Variants in SLC41A2 observed in about 807,000 individuals in gnomAD.
SLC41A2 encodes solute carrier family 41 member 2.
A neutral mutation model predicts 58.3 loss-of-function variants in SLC41A2; 32 were observed. That is an observed-to-expected ratio of 0.55 (90% CI 0.41 to 0.74). The LOEUF is 0.74. Ranked by LOEUF, SLC41A2 falls within the 30% of genes least tolerant of loss-of-function variation. The pLI is 0.00. For synonymous variants in SLC41A2, 190 were observed against 235.0 expected (o/e 0.81, Z 1.75); for missense variants, 514 against 680.6 (o/e 0.76, Z 2.72).
At chr12:104,818,660 C>T (rs555273473) in intron 10 of SLC41A2, among the ~76,000 whole-genome samples, 1 of 152,192 alleles carries the variant, frequency 6.6e-6, no homozygotes, top group South Asian at 2.1e-4. Flanking sequence ...GGGCAGATCA[C>T]GAGGTCAGGA....
At chr12:104,825,016 C>T (rs1180931728) in intron 10 of SLC41A2, among the ~76,000 whole-genome samples, 1 of 123,430 alleles carries the variant, frequency 8.1e-6, no homozygotes, top group East Asian at 2.0e-4. Flanking sequence ...CCAGTCAAAA[C>T]CCCCAGACTT....
At chr12:104,938,784 A>G (rs1443953616) in intron 1 of SLC41A2, among the ~76,000 whole-genome samples, 1 of 152,098 alleles carries the variant, frequency 6.6e-6, no homozygotes, top group Non-Finnish European at 1.5e-5. Context: ...AAGCTAACTT[A>G]AAAAGTATAT....
chr12:104,887,878 A>T (rs972026890), intron 5 of SLC41A2, among the ~76,000 whole-genome samples: 31 of 152,034 alleles, frequency 2.0e-4, no homozygotes, highest in African/African-American at 7.2e-4. Context: ...TAAAGTGCTT[A>T]TAAAGGTCAA....
intron 10 of SLC41A2, among the ~76,000 whole-genome samples, chr12:104,819,578 A>G (rs977556633): frequency 6.6e-6 from 1 of 152,242 alleles, no homozygotes; most frequent in African/African-American, 2.4e-5. Context: ...TAAATGTTAG[A>G]TAATCTTAAG....
intron 3 of SLC41A2, among the ~76,000 whole-genome samples, chr12:104,896,914 G>T (rs913319824): frequency 3.9e-5 from 6 of 152,110 alleles, no homozygotes; most frequent in Non-Finnish European, 7.4e-5. Context: ...TTTTTGGAAG[G>T]TGATCAGACA....
chr12:104,837,147 A>G (rs1489399921), intron 10 of SLC41A2, among the ~76,000 whole-genome samples: 1 of 152,142 alleles, frequency 6.6e-6, no homozygotes, highest in Non-Finnish European at 1.5e-5. Context: ...ACTTAGCAAA[A>G]GTCATAAAGT....
At chr12:104,903,064 G>A (rs2045634128) in intron 3 of SLC41A2, among the ~76,000 whole-genome samples, 1 of 152,170 alleles carries the variant, frequency 6.6e-6, no homozygotes, top group Non-Finnish European at 1.5e-5. Context: ...TTTAGTGATG[G>A]CTCCTAGTGT....
intron 3 of SLC41A2, among the ~76,000 whole-genome samples, chr12:104,901,239 T>G (rs1464540932): frequency 6.6e-6 from 1 of 152,132 alleles, no homozygotes; most frequent in African/African-American, 2.4e-5. Context: ...AACATAATTT[T>G]TGACTCCTTT....
intron 4 of SLC41A2, among the ~76,000 whole-genome samples, chr12:104,893,403 G>A (rs999218943): frequency 6.6e-6 from 1 of 152,184 alleles, no homozygotes; most frequent in Admixed American, 6.5e-5. Context: ...TACACTGTTG[G>A]TGGGAATGTA....
chr12:104,842,159 T>C (rs898556270), intron 10 of SLC41A2, among the ~76,000 whole-genome samples: 3 of 152,142 alleles, frequency 2.0e-5, no homozygotes, highest in African/African-American at 4.8e-5. Context: ...TTCATTCTGT[T>C]CATCTTTGGA....
rs2040838484 is a variant in SLC41A2, at chr12:104,804,928, T to C, written c.*224A>G. 1 of 354,836 alleles carries C rather than the reference T, an allele frequency of 2.8e-6. No homozygotes were observed. The highest frequency in any genetic ancestry group is 4.7e-5 in the East Asian group (1 of 21,412). The allele number at this position is 354,836 out of a possible 1,614,324, so 22.0% of individuals were successfully genotyped here. ...GAGCTGGAACTTATATCTATGTCTA[T>C]GTCAAATTATCATTTATTCTATGAA... On this transcript the variant is annotated 3_prime_UTR_variant, in exon 11 of 11. Transcript: ENST00000258538.
In SLC41A2 at chr12:104,941,509, T is replaced by A. The variant is rs552932248; in HGVS notation, c.-167-12815A>T. Among the ~76,000 whole-genome samples the A allele has an allele frequency of 7.9e-5, 12 of 152,332 alleles. No individual in the cohort carries two copies. In the South Asian group the frequency reaches 1.4e-3, roughly 18 times the overall value. Reference sequence around the variant, plus strand: ...TCAACTCTCGCCTCCCAAAAAAAGTTAATATAAATTTTTTAAAGGAATTTT... The same window carrying A: ...TCAACTCTCGCCTCCCAAAAAAAGTAAATATAAATTTTTTAAAGGAATTTT... On this transcript the variant is annotated intron_variant, in intron 1 of 10. Coordinates refer to ENST00000258538, the MANE Select transcript of SLC41A2 (RefSeq NM_001352171.3).
intron 5 of SLC41A2, among the ~76,000 whole-genome samples, chr12:104,888,253 G>A (rs972379331): frequency 2.0e-5 from 3 of 151,910 alleles, no homozygotes; most frequent in Non-Finnish European, 4.4e-5. Context: ...TTTGGAAATC[G>A]AGTTATAATT....
intron 10 of SLC41A2, among the ~76,000 whole-genome samples, chr12:104,833,199 G>A (rs2136287056): frequency 6.6e-6 from 1 of 152,240 alleles, no homozygotes; most frequent in South Asian, 2.1e-4. Context: ...CACCACAACT[G>A]GTTTTAAATT....
intron 1 of SLC41A2, among the ~76,000 whole-genome samples, chr12:104,934,243 T>C (rs965672878): frequency 1.3e-5 from 2 of 152,210 alleles, no homozygotes; most frequent in African/African-American, 4.8e-5. Flanking sequence ...GGCTTTACTG[T>C]GCTTAAAGAG....
Position 104,822,745 on chromosome 12 carries a change from G to A in SLC41A2, c.1537-17408C>T, listed in dbSNP as rs76965683. 5.9e-3 allele frequency among the ~76,000 whole-genome samples: 897 copies of A among 152,182 alleles called. 17 individuals carry two copies. Among genetic ancestry groups the A allele is most frequent in the African/African-American group, 0.02 (843 of 41,530 alleles). On this transcript the variant is annotated intron_variant, in intron 10 of 10. Coordinates refer to ENST00000258538, the MANE Select transcript of SLC41A2 (RefSeq NM_001352171.3). ...ATTTAGAAAGATAATTTTGAAATCT[G>A]TAGGAATTGAGTAATAGATATCTCT... is the stretch of plus-strand genomic sequence containing the variant.
chr12:104,805,327 A>G lies in SLC41A2; in HGVS notation c.1547T>C (p.Leu516Ser). 1 of 1,613,312 alleles carries G rather than the reference A, an allele frequency of 6.2e-7. No individual in the cohort carries two copies. ...LFGAVLQVFT[L>S]LWIADWMVHH... ...GACCATCCAGTCAGCAATCCACAGC[A>G]AGGTAAATACCTAGAAGAGAACAAC... The change falls in exon 11 of 11, where the codon TTG becomes TCG. Residue 516 changes from leucine (L) to serine (S), a missense_variant. Transcript: ENST00000258538.
In SLC41A2 at chr12:104,921,367, A is replaced by G. The variant is rs192936122; in HGVS notation, c.555+6606T>C. 2.3e-3 allele frequency among the ~76,000 whole-genome samples: 354 copies of G among 152,242 alleles called. 3 individuals are homozygous for G. Among genetic ancestry groups the G allele is most frequent in the African/African-American group, 8.1e-3 (338 of 41,564 alleles). On this transcript the variant is annotated intron_variant, in intron 2 of 10. Transcript: ENST00000258538. Reference sequence around the variant, plus strand: ...TCAAAAGTCAAAGAGAGAGAATCCTAAAAGCAGCAAGAGAAAAAGAAGAAA... The same window carrying G: ...TCAAAAGTCAAAGAGAGAGAATCCTGAAAGCAGCAAGAGAAAAAGAAGAAA...
intron 2 of SLC41A2, among the ~76,000 whole-genome samples, chr12:104,919,928 C>T (rs1158498182): frequency 1.3e-5 from 2 of 152,028 alleles, no homozygotes; most frequent in Non-Finnish European, 1.5e-5. Flanking sequence ...TGTTTTTTCC[C>T]TAAAGGTTTT....
Sources: allele counts gnomAD v4.1 joint callset (sites outside exome capture counted in the v4.1 genomes callset), GRCh38; gene constraint gnomAD v4.1.1; transcripts MANE v1.5; gene names NCBI Gene and HGNC (gene_info 2026-07-23, HGNC 2026-07-21).